SPATA2: variants seen among roughly 807,000 people sequenced by gnomAD.
The protein encoded by SPATA2 is spermatogenesis associated 2, also known as spermatogenesis-associated protein 2.
In SPATA2, 8 loss-of-function variants were observed where a neutral mutation model predicts 35.4. The ratio of observed to expected loss-of-function variants is 0.23; its 90% CI spans 0.13 to 0.41. SPATA2 has a LOEUF of 0.41. SPATA2 is among the 10% of genes least tolerant of loss of function. SPATA2 has a pLI of 1.00. For synonymous variants in SPATA2, 293 were observed against 300.9 expected (o/e 0.97, Z 0.27); for missense variants, 650 against 698.7 (o/e 0.93, Z 0.79).
At chr20:49,909,800 G>A (rs2090172701) in intron 1 of SPATA2, among the ~76,000 whole-genome samples, 1 of 152,192 alleles carries the variant, frequency 6.6e-6, no homozygotes, top group Admixed American at 6.5e-5. Context: ...GGCCGCAAGA[G>A]CACATTCAGA....
chr20:49,911,445 C>T (rs368452483), intron 1 of SPATA2, among the ~76,000 whole-genome samples: 5 of 151,980 alleles, frequency 3.3e-5, no homozygotes, highest in African/African-American at 1.2e-4. Context: ...AGGTGGATTG[C>T]CTGAGCTCAG....
chr20:49,905,982 G>A lies in SPATA2; in HGVS notation c.1200C>T (p.Ser400=). 6.2e-7 allele frequency: 1 copy of A among 1,608,014 alleles called. No individual in the cohort carries two copies. The highest frequency in any genetic ancestry group is 8.5e-7 in the Non-Finnish European group (1 of 1,179,822). Residue 400 remains serine (S), a synonymous_variant, in exon 3 of 3, where the codon AGC becomes AGT. Transcript: ENST00000289431. ...CSSSLCQRCD[S]LLTCPPASKP... Reference sequence around the variant, plus strand: ...TGGAAGCTGGAGGACAGGTGAGCAGGCTGTCACAGCGCTGGCAGAGGGAGG... The same window carrying A: ...TGGAAGCTGGAGGACAGGTGAGCAGACTGTCACAGCGCTGGCAGAGGGAGG...
In SPATA2 at chr20:49,914,428, G is replaced by A. The variant is rs544775457; in HGVS notation, c.-103+952C>T. 3.9e-5 allele frequency among the ~76,000 whole-genome samples: 6 copies of A among 152,150 alleles called. No homozygotes were observed. In the South Asian group the frequency reaches 1.2e-3, roughly 32 times the overall value. ...GTCTGTGCACTGCCCCTGTCCACAG[G>A]TTTACACATCCCTGGTCTAGCTCCA... On this transcript the variant is annotated intron_variant, in intron 1 of 2. Coordinates refer to ENST00000289431, the MANE Select transcript of SPATA2 (RefSeq NM_006038.4).
chr20:49,908,026 G>A, intron 2 of SPATA2, 129 bp downstream of exon 2: 1 of 930,018 alleles, frequency 1.1e-6, no homozygotes. Context: ...AGACGGGGAA[G>A]GTTCGGAGCC....
rs144560123 is a variant in SPATA2, at chr20:49,905,727, G to C, written c.1455C>G (p.Ser485Arg). The C allele has an allele frequency of 2.8e-5, 46 of 1,614,134 alleles. No homozygotes were observed. Among genetic ancestry groups the C allele is most frequent in the Non-Finnish European group, 3.6e-5 (42 of 1,180,050 alleles). The change falls in exon 3 of 3, where the codon AGC (serine) becomes AGG (arginine). Residue 485 changes from serine to arginine, a missense_variant. By Grantham distance (110) the Ser-to-Arg change is moderately radical. Transcript: ENST00000289431. Reference protein sequence around the residue: ...CSKVSCDACLSAYHYDPCYKK... With the variant: ...CSKVSCDACLRAYHYDPCYKK... The stretch of plus-strand genomic sequence containing the variant: ...TGTAGCAGGGGTCATAATGGTAAGC[G>C]CTGAGGCAGGCGTCACATGAGACTT...
At chr20:49,913,848 A>C (rs1386225156) in intron 1 of SPATA2, 1 of 152,188 alleles carries the variant, frequency 6.6e-6, no homozygotes. Context: ...GTAGCTGGTC[A>C]TAGCTGGTGT....
rs181295587 is a variant in SPATA2 at position 49,903,780 on chromosome 20, T to C, written c.*1839A>G. On this transcript the variant is annotated 3_prime_UTR_variant, in exon 3 of 3. Transcript: ENST00000289431. ...CAGGAGTGGGCCAGGCATTGCCGAT[T>C]CTGAAATGTGAAAAGGAAGAACATC... The C allele has an allele frequency of 1.3e-5, 2 of 151,946 alleles. No individual in the cohort carries two copies. The highest frequency in any genetic ancestry group is 6.6e-5 in the Admixed American group (1 of 15,230). The allele number at this position is 151,946 out of a possible 1,614,324, so 9.4% of individuals were successfully genotyped here. A position where few individuals can be genotyped will look rare whatever the true frequency, so the allele number is the denominator to read the frequency against.
At chr20:49,911,176 C>T (rs954454861) in intron 1 of SPATA2, among the ~76,000 whole-genome samples, 2 of 152,252 alleles carry the variant, frequency 1.3e-5, no homozygotes, top group African/African-American at 4.8e-5. Context: ...TCCACACTGT[C>T]ACATTCTCCT....
intron 1 of SPATA2, among the ~76,000 whole-genome samples, chr20:49,909,001 T>G (rs529110955): frequency 6.6e-6 from 1 of 152,164 alleles, no homozygotes; most frequent in Admixed American, 6.5e-5. Context: ...TCCAGACACG[T>G]GACGAGCTTC....
In SPATA2 at chr20:49,905,998, C is replaced by T; in HGVS notation, c.1184G>A (p.Cys395Tyr). 6.2e-7 allele frequency: 1 copy of T among 1,606,934 alleles called. No individual in the cohort carries two copies. Among genetic ancestry groups the T allele is most frequent in the Non-Finnish European group, 8.5e-7 (1 of 1,179,694 alleles). ...GGTGAGCAGGCTGTCACAGCGCTGG[C>T]AGAGGGAGGAGCTGCAGGACAGCCC... The part of the protein sequence containing the change: ...SCGLSCSSSL[C>Y]QRCDSLLTCP... Residue 395 changes from cysteine (C) to tyrosine (Y), a missense_variant, in exon 3 of 3, where the codon TGC (cysteine) becomes TAC (tyrosine). Coordinates refer to ENST00000289431, the MANE Select transcript of SPATA2 (RefSeq NM_006038.4).
intron 1 of SPATA2, among the ~76,000 whole-genome samples, chr20:49,912,048 C>T (rs2090184812): frequency 1.3e-5 from 2 of 152,198 alleles, no homozygotes; most frequent in Admixed American, 1.3e-4. Flanking sequence ...ATCCTGCCTG[C>T]AGCTCTAGCT....
At chr20:49,909,694 G>A (rs2090171983) in intron 1 of SPATA2, among the ~76,000 whole-genome samples, 1 of 152,188 alleles carries the variant, frequency 6.6e-6, no homozygotes, top group Admixed American at 6.5e-5. Flanking sequence ...AGGAAGCCTG[G>A]AACAGTAACA....
chr20:49,911,484 T>G (rs1437127205), intron 1 of SPATA2, among the ~76,000 whole-genome samples: 3 of 151,460 alleles, frequency 2.0e-5, no homozygotes, highest in Non-Finnish European at 4.4e-5. Context: ...GGCAACACGG[T>G]GAAACCCCGT....
intron 2 of SPATA2, 92 bp downstream of exon 2, chr20:49,908,063 A>T (rs2090158804): frequency 8.0e-7 from 1 of 1,251,124 alleles, no homozygotes; most frequent in South Asian, 1.4e-5. Context: ...CACAGGATGG[A>T]TGGGATCAGA....
In SPATA2 at chr20:49,908,434, G is replaced by A. The variant is rs1181844884; in HGVS notation, c.57C>T (p.Tyr19=). 8.1e-6 allele frequency: 13 copies of A among 1,607,954 alleles called. No homozygotes were observed. Among genetic ancestry groups the A allele is most frequent in the Admixed American group, 6.7e-5 (4 of 59,878 alleles). Residue 19 remains tyrosine (Y), a synonymous_variant, in exon 2 of 3, where the codon TAC becomes TAT. Coordinates refer to ENST00000289431, the MANE Select transcript of SPATA2 (RefSeq NM_006038.4). Reference sequence around the variant, plus strand: ...CCACTTTGCTCTCATGGAACTGCACGTACTTCCGAAATAAGTCATCCTTGA... The same window carrying A: ...CCACTTTGCTCTCATGGAACTGCACATACTTCCGAAATAAGTCATCCTTGA... The part of the protein sequence containing the change: ...TKFKDDLFRK[Y]VQFHESKVDT...
chr20:49,905,765 T>C lies in SPATA2; in HGVS notation c.1417A>G (p.Thr473Ala). The change falls in exon 3 of 3, where the codon ACC (threonine) becomes GCC (alanine). Residue 473 changes from threonine (T) to alanine (A), a missense_variant. By Grantham distance (58) the Thr-to-Ala change is moderately conservative. Transcript: ENST00000289431. ...CNRPGATNTC[T>A]QCSKVSCDAC... is the part of the protein sequence containing the mutation. ...TCACATGAGACTTTTGAACACTGGG[T>C]GCAGGTGTTGGTGGCGCCTGGGCGG... is the stretch of plus-strand genomic sequence containing the variant. 1 of 1,614,216 alleles carries C rather than the reference T, an allele frequency of 6.2e-7. No individual in the cohort carries two copies. Among genetic ancestry groups the C allele is most frequent in the Non-Finnish European group, 8.5e-7 (1 of 1,180,040 alleles).
chr20:49,914,016 G>A (rs1488475712), intron 1 of SPATA2, among the ~76,000 whole-genome samples: 1 of 136,182 alleles, frequency 7.3e-6, no homozygotes, highest in Non-Finnish European at 1.6e-5. Context: ...ACGCCAAGCC[G>A]TGCCAGTCTG....
At chr20:49,911,650 G>A (rs2090182680) in intron 1 of SPATA2, among the ~76,000 whole-genome samples, 1 of 150,464 alleles carries the variant, frequency 6.6e-6, no homozygotes, top group South Asian at 2.1e-4. Context: ...CTGGGCAACA[G>A]AGCGAGACTC....
At chr20:49,911,633 C>A (rs1466705978) in intron 1 of SPATA2, among the ~76,000 whole-genome samples, 7 of 150,744 alleles carry the variant, frequency 4.6e-5, no homozygotes, top group Non-Finnish European at 1.0e-4. Flanking sequence ...CCCCATTGCA[C>A]TCCAGCCTGG....
Sources: gnomAD v4.1 joint callset for allele counts (sites outside exome capture counted in the v4.1 genomes callset) on GRCh38, gnomAD v4.1.1 for gene constraint, MANE v1.5 for transcripts, NCBI Gene and HGNC (gene_info 2026-07-23, HGNC 2026-07-21) for gene names.